The following FBLN7 variants were observed in gnomAD, a reference collection of about 807,000 sequenced individuals.
FBLN7 encodes the protein fibulin 7.
Under a neutral mutation model 44.0 loss-of-function variants are expected in FBLN7, and 31 were observed. The ratio of observed to expected loss-of-function variants is 0.70; its 90% CI spans 0.53 to 0.95. The LOEUF (loss-of-function observed/expected upper bound fraction) is 0.95, where lower values mean the gene tolerates loss of function less well. Ranked by LOEUF, FBLN7 falls within the 40% of genes least tolerant of loss-of-function variation. The pLI is 0.00. For synonymous variants in FBLN7, 262 were observed against 253.4 expected, an observed-to-expected ratio of 1.03 and a Z score of -0.32; for missense variants, 573 against 618.5, an observed-to-expected ratio of 0.93 and a Z score of 0.78.
At chr2:112,223,416 A>G in the FBLN7 span, among the ~76,000 whole-genome samples, 2 of 152,210 alleles carry the variant, frequency 1.3e-5, no homozygotes, top group Admixed American at 6.5e-5. Flanking sequence ...AGCCATTAAA[A>G]AAAAGAAATG....
chr2:112,139,205 G>C (rs1355671249), intron 1 of FBLN7, among the ~76,000 whole-genome samples: 2 of 36,738 alleles, frequency 5.4e-5, no homozygotes, highest in Admixed American at 4.5e-4. Context: ...CCTCTCTCCA[G>C]GCCAGTGTCC....
the FBLN7 span, among the ~76,000 whole-genome samples, chr2:112,193,397 G>A: frequency 2.0e-5 from 3 of 152,098 alleles, no homozygotes; most frequent in African/African-American, 7.2e-5. Context: ...CCGAGATAGC[G>A]CTGCTGCACT....
intron 6 of FBLN7, 38 bp from the exon 7 acceptor site, chr2:112,185,163 C>T (rs1683206885): frequency 1.7e-5 from 27 of 1,591,648 alleles, no homozygotes; most frequent in Non-Finnish European, 2.3e-5. Context: ...GAGGGAAGGT[C>T]AGGGCGATTC....
rs545178020 is a variant in FBLN7 at position 112,180,545 on chromosome 2, A to T, written c.533-1194A>T. On this transcript the variant is annotated intron_variant, in intron 4 of 7. Transcript: ENST00000331203. ...CTACCATAAAGACACATGCACTCGAATATTTGTTGCAGCACTGTTCACAAT... is the reference window on the plus strand; with the variant it reads ...CTACCATAAAGACACATGCACTCGATTATTTGTTGCAGCACTGTTCACAAT... Among the ~76,000 whole-genome samples the T allele has an allele frequency of 3.9e-5, 6 of 152,322 alleles. No individual in the cohort carries two copies. The South Asian group carries it at 1.2e-3, about 32-fold the overall frequency.
chr2:112,160,810 A>AAG (rs1681812509), intron 2 of FBLN7, among the ~76,000 whole-genome samples: 2 of 146,454 alleles, frequency 1.4e-5, no homozygotes, highest in Non-Finnish European at 3.0e-5. Context: ...GCACGCACAC[A>AAG]CACGCACACA....
chr2:112,201,545 G>A, the FBLN7 span, among the ~76,000 whole-genome samples: 12 of 152,118 alleles, frequency 7.9e-5, no homozygotes, highest in Admixed American at 2.6e-4. Context: ...TGGTTCAGAT[G>A]TAGGTGTAGG....
chr2:112,157,959 C>T (rs991043169), intron 1 of FBLN7, among the ~76,000 whole-genome samples: 3 of 147,204 alleles, frequency 2.0e-5, no homozygotes, highest in South Asian at 4.3e-4. Flanking sequence ...TGCAGTGGCG[C>T]GATCTCGGCT....
Position 112,170,533 on chromosome 2 carries a change from G to GA in FBLN7, c.407-5166dup, listed in dbSNP as rs199582472. ...CAGAGTGAGACCCTGTCTCGAAAGT[G>GA]AAAAAAAAAAAAAAAGAAAAGAAAA... On this transcript the variant is annotated intron_variant, in intron 3 of 7. Transcript: ENST00000331203. Among the ~76,000 whole-genome samples, 285 of 76,652 alleles carry GA rather than the reference G, an allele frequency of 3.7e-3. 1 individual carries two copies. The highest frequency in any genetic ancestry group is 0.019 in the Middle Eastern group (3 of 160). 50.3% of individuals were successfully genotyped at this position (76,652 alleles called of 152,430 possible).
the FBLN7 span, among the ~76,000 whole-genome samples, chr2:112,204,907 A>G: frequency 6.6e-6 from 1 of 152,198 alleles, no homozygotes; most frequent in Admixed American, 6.5e-5. Flanking sequence ...AAAAGACAAT[A>G]TAAATATATT....
Position 112,187,035 on chromosome 2 carries a change from A to G in FBLN7, c.948-99A>G. The G allele has an allele frequency of 1.4e-6, 2 of 1,455,860 alleles. No homozygotes were observed. Among genetic ancestry groups the G allele is most frequent in the Non-Finnish European group, 1.9e-6 (2 of 1,074,938 alleles). 90.2% of individuals were successfully genotyped at this position (1,455,860 alleles called of 1,614,324 possible). A position where few individuals can be genotyped will look rare whatever the true frequency, so the allele number is the denominator to read the frequency against. Reference sequence around the variant, plus strand: ...GACCCGTGGCTGGGAAAGGTCATCTAGGTGGCCTCTGCAAGAGGGCAGGTG... The same window carrying G: ...GACCCGTGGCTGGGAAAGGTCATCTGGGTGGCCTCTGCAAGAGGGCAGGTG... On this transcript the variant is annotated intron_variant, in intron 7 of 7. Transcript: ENST00000331203. The surrounding 1 kb of genome is among the most constrained non-coding windows in gnomAD (Gnocchi z 5.1).
chr2:112,167,122 T>C (rs545723917), intron 3 of FBLN7, among the ~76,000 whole-genome samples: 23 of 152,370 alleles, frequency 1.5e-4, no homozygotes, highest in African/African-American at 5.5e-4. Flanking sequence ...ATCTTACTTA[T>C]GTGTGTGCTG....
At chr2:112,204,317 A>T in the FBLN7 span, among the ~76,000 whole-genome samples, 1 of 151,754 alleles carries the variant, frequency 6.6e-6, no homozygotes, top group African/African-American at 2.4e-5. Flanking sequence ...GATATTTGTG[A>T]GGTCACCATC....
intron 4 of FBLN7, among the ~76,000 whole-genome samples, chr2:112,178,270 C>CAAAAAAAAAAAAAA (rs1573822590): frequency 8.7e-6 from 1 of 115,266 alleles, no homozygotes. Context: ...AAAAAAAAAC[C>CAAAAAAAAAAAAAA]AAAAGAAAAC....
intron 2 of FBLN7, among the ~76,000 whole-genome samples, chr2:112,162,537 C>T (rs1426352224): frequency 6.6e-6 from 1 of 152,134 alleles, no homozygotes; most frequent in Non-Finnish European, 1.5e-5. Flanking sequence ...GGTCTCACTC[C>T]TTACATGCTA....
the FBLN7 span, among the ~76,000 whole-genome samples, chr2:112,224,490 C>T: frequency 5.3e-5 from 8 of 152,268 alleles, 1 homozygote; most frequent in Admixed American, 5.2e-4. Context: ...CTCTTTAAAA[C>T]CCAGGACAAA....
chr2:112,168,500 T>C (rs1425821075), intron 3 of FBLN7, among the ~76,000 whole-genome samples: 1 of 152,244 alleles, frequency 6.6e-6, no homozygotes, highest in Non-Finnish European at 1.5e-5. Context: ...GAGTAGACTC[T>C]GCCTGCACCG....
At chr2:112,160,850 A>ACGCACACGCG (rs3080943) in intron 2 of FBLN7, among the ~76,000 whole-genome samples, 1 of 42,172 alleles carries the variant, frequency 2.4e-5, no homozygotes, top group African/African-American at 9.0e-5. Context: ...GCACACGCGC[A>ACGCACACGCG]CACACACACA....
intron 7 of FBLN7, among the ~76,000 whole-genome samples, chr2:112,186,686 G>A (rs577445535): frequency 9.9e-5 from 15 of 152,238 alleles, no homozygotes; most frequent in South Asian, 2.1e-4. Context: ...GAAGTTCACC[G>A]TACACCGTGT....
At chr2:112,197,327 A>G in the FBLN7 span, among the ~76,000 whole-genome samples, 1 of 151,698 alleles carries the variant, frequency 6.6e-6, no homozygotes, top group Admixed American at 6.6e-5. Context: ...AAACATGCAG[A>G]GAGAGAGAGA....
Sources: gnomAD v4.1 joint callset for allele counts (sites outside exome capture counted in the v4.1 genomes callset) on GRCh38, gnomAD v4.1.1 for gene constraint, Gnocchi (gnomAD v3.1) non-coding constraint, MANE v1.5 for transcripts, NCBI Gene and HGNC (gene_info 2026-07-23, HGNC 2026-07-21) for gene names.